The following BNC2 variants were observed in gnomAD, a reference collection of about 807,000 sequenced individuals.
BNC2 encodes basonuclin zinc finger protein 2.
BNC2 carries 20 observed loss-of-function variants against 76.3 expected under a neutral mutation model. That is an observed-to-expected ratio of 0.26 (90% confidence interval 0.18 to 0.38). The LOEUF is 0.38. Ranked by LOEUF, BNC2 falls within the 10% of genes least tolerant of loss-of-function variation. The probability of loss-of-function intolerance (pLI) is 1.00; values close to 1 mark genes in which losing one functional copy is unlikely to be tolerated. For synonymous variants in BNC2, 582 were observed against 514.8 expected, an observed-to-expected ratio of 1.13 and a Z score of -1.77; for missense variants, 1,382 against 1,399.8, an observed-to-expected ratio of 0.99 and a Z score of 0.20.
At chr9:16,663,130 C>CTTTT (rs71325979) in intron 3 of BNC2, among the ~76,000 whole-genome samples, 7 of 99,614 alleles carry the variant, frequency 7.0e-5, no homozygotes, top group Non-Finnish European at 8.5e-5. Flanking sequence ...TCTGTTTACT[C>CTTTT]TTTTTTTTTT....
intron 6 of BNC2, among the ~76,000 whole-genome samples, chr9:16,430,183 T>C (rs891541780): frequency 6.7e-6 from 1 of 150,304 alleles, no homozygotes; most frequent in Admixed American, 6.6e-5. Context: ...TGAAACCAAA[T>C]AGAGTAGCAG....
At chr9:16,745,296 C>T (rs1231675828) in intron 1 of BNC2, among the ~76,000 whole-genome samples, 1 of 152,118 alleles carries the variant, frequency 6.6e-6, no homozygotes, top group Non-Finnish European at 1.5e-5. Context: ...TGCTTGGCTC[C>T]TCCTAAGTGA....
intron 2 of BNC2, among the ~76,000 whole-genome samples, chr9:16,729,433 G>T (rs1490449528): frequency 6.6e-6 from 1 of 152,070 alleles, no homozygotes; most frequent in Non-Finnish European, 1.5e-5. Context: ...AGCTTCAATG[G>T]CAGCTCTGTG....
chr9:16,849,072 C>A (rs1182482028), intron 1 of BNC2, among the ~76,000 whole-genome samples: 1 of 152,052 alleles, frequency 6.6e-6, no homozygotes, highest in African/African-American at 2.4e-5. Flanking sequence ...AGAGGCTCAA[C>A]CTGTATGTCC....
chr9:16,751,363 C>G (rs1470024314), intron 1 of BNC2, among the ~76,000 whole-genome samples: 1 of 151,550 alleles, frequency 6.6e-6, no homozygotes, highest in Non-Finnish European at 1.5e-5. Context: ...CCATTCAGCA[C>G]ACAAATGTTA....
At chr9:16,639,839 G>A (rs1041296635) in intron 3 of BNC2, among the ~76,000 whole-genome samples, 1 of 151,978 alleles carries the variant, frequency 6.6e-6, no homozygotes, top group Non-Finnish European at 1.5e-5. Flanking sequence ...GGAGGACTGC[G>A]TAAGCCCAGG....
chr9:16,531,068 T>A (rs1487099623), intron 5 of BNC2, among the ~76,000 whole-genome samples: 1 of 152,208 alleles, frequency 6.6e-6, no homozygotes. Flanking sequence ...TAGCCTCCCC[T>A]GAGATCAAGA....
chr9:16,682,759 A>G (rs1822862612), intron 3 of BNC2, among the ~76,000 whole-genome samples: 1 of 152,228 alleles, frequency 6.6e-6, no homozygotes, highest in Non-Finnish European at 1.5e-5. Context: ...TTCAGTGGTG[A>G]AAAATACCAA....
intron 5 of BNC2, among the ~76,000 whole-genome samples, chr9:16,449,790 T>G (rs12338207): frequency 7.5e-6 from 1 of 133,286 alleles, no homozygotes; most frequent in Admixed American, 7.9e-5. Context: ...ACAATGGAAA[T>G]GGGGGTGAAT....
At chr9:16,870,339 G>T (rs1453910532) in intron 1 of BNC2, among the ~76,000 whole-genome samples, 3 of 151,358 alleles carry the variant, frequency 2.0e-5, no homozygotes, top group Admixed American at 6.6e-5. Flanking sequence ...CTAGCCAGCC[G>T]CTCACCTTCG....
chr9:16,416,514 A>C lies in BNC2; in HGVS notation c.*2475T>G, dbSNP rs538436395. 2.0e-5 allele frequency: 3 copies of C among 152,774 alleles called. No homozygotes were observed. In the East Asian group the frequency reaches 5.8e-4, roughly 29 times the overall value. 9.5% of individuals were successfully genotyped at this position (152,774 alleles called of 1,614,324 possible). A position where few individuals can be genotyped will look rare whatever the true frequency, so the allele number is the denominator to read the frequency against. ...ACATCTGTCTGTTCAATTTAACACA[A>C]CACCAAAATAAAGCAATTAAGACTT... On this transcript the variant is annotated 3_prime_UTR_variant, in exon 7 of 7. Transcript: ENST00000380672.
chr9:16,456,759 G>T (rs1339316105), intron 5 of BNC2, among the ~76,000 whole-genome samples: 1 of 152,142 alleles, frequency 6.6e-6, no homozygotes, highest in African/African-American at 2.4e-5. Flanking sequence ...CAAATTATCT[G>T]TCGGTAGGGT....
At chr9:16,516,418 T>C (rs893838431) in intron 5 of BNC2, among the ~76,000 whole-genome samples, 4 of 151,414 alleles carry the variant, frequency 2.6e-5, no homozygotes, top group African/African-American at 7.3e-5. Context: ...GAGTTTACAG[T>C]GGATAACAGT....
chr9:16,862,085 A>C (rs1819424481), intron 1 of BNC2, among the ~76,000 whole-genome samples: 1 of 152,190 alleles, frequency 6.6e-6, no homozygotes, highest in African/African-American at 2.4e-5. Context: ...AAAATGCTGC[A>C]GTTGCGTTGG....
intron 3 of BNC2, among the ~76,000 whole-genome samples, chr9:16,660,571 G>T (rs750618686): frequency 3.3e-5 from 5 of 151,956 alleles, no homozygotes; most frequent in Admixed American, 6.6e-5. Context: ...ACTATAATTA[G>T]CCTTCACAAA....
chr9:16,754,594 G>A (rs1825322790), intron 1 of BNC2, among the ~76,000 whole-genome samples: 4 of 151,306 alleles, frequency 2.6e-5, no homozygotes, highest in Admixed American at 2.0e-4. Context: ...GTCTCGCTCT[G>A]TTGCTCAGGC....
At chr9:16,740,271 G>A (rs1824802768) in intron 1 of BNC2, among the ~76,000 whole-genome samples, 1 of 152,170 alleles carries the variant, frequency 6.6e-6, no homozygotes, top group Non-Finnish European at 1.5e-5. Flanking sequence ...CAAAAGGCAT[G>A]GGAATAATAA....
At position 16,418,702 on chromosome 9, in the gene BNC2, G is replaced by GT; in HGVS notation, c.*286dup. 1 of 401,652 alleles carries GT rather than the reference G, an allele frequency of 2.5e-6. No individual in the cohort carries two copies. Among genetic ancestry groups the GT allele is most frequent in the Non-Finnish European group, 4.6e-6 (1 of 216,364 alleles). 24.9% of individuals were successfully genotyped at this position (401,652 alleles called of 1,614,324 possible). A position where few individuals can be genotyped will look rare whatever the true frequency, so the allele number is the denominator to read the frequency against. On this transcript the variant is annotated 3_prime_UTR_variant, in exon 7 of 7. Transcript: ENST00000380672. ...TGTGTGTGTGTGTGTATGTGCATGT[G>GT]TGTGTGTGTGTGTTTAAAGGGGTAC...
intron 1 of BNC2, among the ~76,000 whole-genome samples, chr9:16,862,116 CA>C (rs1819425524): frequency 6.6e-6 from 1 of 152,064 alleles, no homozygotes; most frequent in Non-Finnish European, 1.5e-5. Flanking sequence ...GGAAGTTCCT[CA>C]AAAAGTTATA....
Sources: gnomAD v4.1 joint callset for allele counts (sites outside exome capture counted in the v4.1 genomes callset) on GRCh38, gnomAD v4.1.1 for gene constraint, MANE v1.5 for transcripts, NCBI Gene and HGNC (gene_info 2026-07-23, HGNC 2026-07-21) for gene names.